COL5A2: variants seen among roughly 807,000 people sequenced by gnomAD.
COL5A2 encodes the protein collagen alpha-2(V) chain.
Under a neutral mutation model 208.2 loss-of-function variants are expected in COL5A2, and 23 were observed. The ratio of observed to expected loss-of-function variants is 0.11; its 90% CI spans 0.08 to 0.16. The LOEUF (loss-of-function observed/expected upper bound fraction) is 0.16, where lower values mean the gene tolerates loss of function less well. Among genes scored for constraint, COL5A2 ranks in the 10% least tolerant of loss-of-function variants. The probability of loss-of-function intolerance (pLI) is 1.00; values close to 1 mark genes in which losing one functional copy is unlikely to be tolerated. For missense variants in COL5A2, 1,590 were observed against 1,956.4 expected, an observed-to-expected ratio of 0.81 and a Z score of 3.53; for synonymous variants, 625 against 628.5, an observed-to-expected ratio of 0.99 and a Z score of 0.08.
At chr2:189,090,044 G>C (rs942479283) in intron 7 of COL5A2, among the ~76,000 whole-genome samples, 4 of 152,098 alleles carry the variant, frequency 2.6e-5, no homozygotes, top group Non-Finnish European at 5.9e-5. Flanking sequence ...TAGTAAGGAA[G>C]GCATATTGAA....
chr2:189,350,229 G>C, the COL5A2 span, among the ~76,000 whole-genome samples: 1 of 152,000 alleles, frequency 6.6e-6, no homozygotes, highest in South Asian at 2.1e-4. Context: ...TACATGAAAG[G>C]GAAGTAATTA....
At chr2:189,314,903 G>A in the COL5A2 span, among the ~76,000 whole-genome samples, 1 of 152,084 alleles carries the variant, frequency 6.6e-6, no homozygotes, top group Non-Finnish European at 1.5e-5. Flanking sequence ...TCCCTGAACA[G>A]ACTAATAACG....
chr2:189,035,798 C>T (rs73981489), intron 52 of COL5A2, among the ~76,000 whole-genome samples: 8,550 of 151,852 alleles, frequency 0.056, 254 homozygotes, highest in African/African-American at 0.095. Flanking sequence ...TTATTCTGAA[C>T]GTGATTTCTA....
Position 189,051,415 on chromosome 2 carries a change from C to A in COL5A2, c.2836G>T (p.Asp946Tyr), listed in dbSNP as rs1685785338. The A allele has an allele frequency of 6.2e-7, 1 of 1,613,672 alleles. No homozygotes were observed. The highest frequency in any genetic ancestry group is 1.7e-5 in the Admixed American group (1 of 59,982). ...GKEGPPGLRG[D>Y]PGSHGRVGDR... is the part of the protein sequence containing the mutation. Reference sequence around the variant, plus strand: ...CCCACACGCCCATGAGAGCCAGGGTCCCCACGAAGACCTGGAGGTCCCTCC... The same window carrying A: ...CCCACACGCCCATGAGAGCCAGGGTACCCACGAAGACCTGGAGGTCCCTCC... The change falls in exon 42 of 54, where the codon GAC becomes TAC. Residue 946 changes from aspartate (D) to tyrosine (Y), a missense_variant. Physicochemically the swap from Asp to Tyr is radical, Grantham distance 160 (BLOSUM62 -3). Transcript: ENST00000374866.
At chr2:189,233,562 A>T in the COL5A2 span, among the ~76,000 whole-genome samples, 1 of 151,780 alleles carries the variant, frequency 6.6e-6, no homozygotes, top group African/African-American at 2.4e-5. Flanking sequence ...TTTGAAAAAA[A>T]AAAGTTAAAC....
chr2:189,311,153 C>T, the COL5A2 span: 2 of 644,384 alleles, frequency 3.1e-6, no homozygotes, highest in Non-Finnish European at 5.5e-6. Context: ...AGTGGACCCC[C>T]AGCACTGCAC....
chr2:189,337,363 T>C, the COL5A2 span, among the ~76,000 whole-genome samples: 3 of 151,686 alleles, frequency 2.0e-5, no homozygotes, highest in Non-Finnish European at 4.4e-5. Context: ...TTTGTATTTT[T>C]AGTAGAGACG....
At chr2:189,277,268 T>G in the COL5A2 span, among the ~76,000 whole-genome samples, 1 of 152,150 alleles carries the variant, frequency 6.6e-6, no homozygotes, top group African/African-American at 2.4e-5. Context: ...GGTCTTTTAA[T>G]TATCTAAGGA....
chr2:189,408,644 C>A, the COL5A2 span, among the ~76,000 whole-genome samples: 1 of 152,016 alleles, frequency 6.6e-6, no homozygotes, highest in African/African-American at 2.4e-5. Flanking sequence ...TTTACTATCA[C>A]CCTTACTTTA....
At chr2:189,145,163 C>T (rs758245084) in intron 1 of COL5A2, among the ~76,000 whole-genome samples, 1 of 152,048 alleles carries the variant, frequency 6.6e-6, no homozygotes, top group Non-Finnish European at 1.5e-5. Context: ...TCTGAGTAAG[C>T]GGGATGTGAG....
chr2:189,272,924 A>G, the COL5A2 span, among the ~76,000 whole-genome samples: 1 of 152,176 alleles, frequency 6.6e-6, no homozygotes, highest in Non-Finnish European at 1.5e-5. Context: ...TGAAATGATT[A>G]TAACTTTCTC....
At chr2:189,121,150 G>T (rs1424826408) in intron 1 of COL5A2, among the ~76,000 whole-genome samples, 4 of 152,008 alleles carry the variant, frequency 2.6e-5, no homozygotes, top group Non-Finnish European at 5.9e-5. Context: ...GGTCAGAGAA[G>T]TCAAAAGAAA....
chr2:189,170,449 T>A (rs1688551725), intron 1 of COL5A2, among the ~76,000 whole-genome samples: 1 of 152,176 alleles, frequency 6.6e-6, no homozygotes, highest in African/African-American at 2.4e-5. Context: ...AAAGGGGATA[T>A]TTATTGCAGA....
chr2:189,367,683 T>C, the COL5A2 span, among the ~76,000 whole-genome samples: 1 of 152,232 alleles, frequency 6.6e-6, no homozygotes, highest in African/African-American at 2.4e-5. Context: ...CTCTATCTAC[T>C]GTCACAACTA....
chr2:189,271,227 T>C, the COL5A2 span, among the ~76,000 whole-genome samples: 1 of 152,120 alleles, frequency 6.6e-6, no homozygotes, highest in East Asian at 1.9e-4. Flanking sequence ...AGAACAAAGC[T>C]GGAGCCATCA....
At chr2:189,433,862 TG>T in the COL5A2 span, among the ~76,000 whole-genome samples, 20 of 152,292 alleles carry the variant, frequency 1.3e-4, no homozygotes, top group African/African-American at 4.6e-4. Flanking sequence ...TACCAAATCC[TG>T]GCAGAGACAC....
Position 189,039,291 on chromosome 2 carries a change from G to A in COL5A2, c.3906C>T (p.Cys1302=), listed in dbSNP as rs532409377. 1.2e-6 allele frequency: 2 copies of A among 1,613,980 alleles called. No homozygotes were observed. The highest frequency in any genetic ancestry group is 2.2e-5 in the East Asian group (1 of 44,858). Reference sequence around the variant, plus strand: ...ACTCACCACTCTGCTTTGCGGAATGGCAAAGCTTTAGGTCATCACACGTGC... The same window carrying A: ...ACTCACCACTCTGCTTTGCGGAATGACAAAGCTTTAGGTCATCACACGTGC... The part of the protein sequence containing the change: ...PARTCDDLKL[C]HSAKQSGEYW... Residue 1302 remains cysteine, a synonymous_variant, in exon 51 of 54, where the codon TGC becomes TGT. Transcript: ENST00000374866.
chr2:189,394,834 G>A, the COL5A2 span, among the ~76,000 whole-genome samples: 3 of 152,124 alleles, frequency 2.0e-5, no homozygotes, highest in Non-Finnish European at 2.9e-5. Flanking sequence ...ATTGAAATGT[G>A]GTCCTTTCCC....
the COL5A2 span, among the ~76,000 whole-genome samples, chr2:189,423,750 G>A: frequency 1.3e-5 from 2 of 152,030 alleles, no homozygotes; most frequent in Admixed American, 1.3e-4. Flanking sequence ...AAAAACCCAG[G>A]ACCTGGTGGC....
Sources: gnomAD v4.1 joint callset for allele counts (sites outside exome capture counted in the v4.1 genomes callset) on GRCh38, gnomAD v4.1.1 for gene constraint, MANE v1.5 for transcripts, NCBI Gene and HGNC (gene_info 2026-07-23, HGNC 2026-07-21) for gene names.